BRF1: variants seen among roughly 807,000 people sequenced by gnomAD.
The protein encoded by BRF1 is BRF1 general transcription factor IIIB subunit, also known as transcription factor IIIB 90 kDa subunit.
In BRF1, 59 loss-of-function variants were observed where a neutral mutation model predicts 81.7. That is an observed-to-expected ratio of 0.72 (90% CI 0.59 to 0.90). The LOEUF is 0.90. Ranked by LOEUF, BRF1 falls within the 40% of genes least tolerant of loss-of-function variation. BRF1 has a pLI of 0.00. For missense variants in BRF1, 1,050 were observed against 936.3 expected, an observed-to-expected ratio of 1.12 and a Z score of -1.58; for synonymous variants, 491 against 395.6, an observed-to-expected ratio of 1.24 and a Z score of -2.86.
chr14:105,219,673 C>T, intron 12 of BRF1: 1 of 400,362 alleles, frequency 2.5e-6, no homozygotes. Context: ...AGATAAACTG[C>T]AAAGAGCTGG....
intron 6 of BRF1, among the ~76,000 whole-genome samples, chr14:105,229,339 C>T (rs139986541): frequency 1.1e-4 from 17 of 152,350 alleles, no homozygotes; most frequent in Non-Finnish European, 2.1e-4. Flanking sequence ...GGCCCAGAAC[C>T]TCCAGTGCAA....
In BRF1 at chr14:105,228,885, G is replaced by A; in HGVS notation, c.723C>T (p.Asp241=). The A allele has an allele frequency of 1.2e-6, 2 of 1,613,828 alleles. No homozygotes were observed. The highest frequency in any genetic ancestry group is 1.7e-6 in the Non-Finnish European group (2 of 1,180,008). ...TGACCTCCTTCACAGTCCTCCTGAAGTCATGCATTCTGGCTGCAACCAGGA... is the reference window on the plus strand; with the variant it reads ...TGACCTCCTTCACAGTCCTCCTGAAATCATGCATTCTGGCTGCAACCAGGA... ...AALLVAARMH[D]FRRTVKEVIS... Residue 241 remains aspartate, a synonymous_variant, in exon 7 of 18, where the codon GAC becomes GAT. Transcript: ENST00000547530.
At chr14:105,223,791 G>A (rs587659521) in intron 10 of BRF1, among the ~76,000 whole-genome samples, 11 of 152,176 alleles carry the variant, frequency 7.2e-5, no homozygotes, top group African/African-American at 2.6e-4. Context: ...GTTTTCATAC[G>A]GCAATCACAC....
intron 1 of BRF1, among the ~76,000 whole-genome samples, chr14:105,299,307 C>T (rs749769849): frequency 5.9e-5 from 9 of 152,032 alleles, no homozygotes; most frequent in African/African-American, 1.7e-4. Context: ...TGTGGTGGCT[C>T]ACGCTGTAAT....
At chr14:105,303,339 G>C (rs587758560), upstream of BRF1, among the ~76,000 whole-genome samples, 2 of 152,250 alleles carry the variant, frequency 1.3e-5, no homozygotes, top group South Asian at 2.1e-4. Context: ...CACCTCCCGG[G>C]TTCATGCCAT....
chr14:105,280,576 C>T (rs1038301434), intron 2 of BRF1, among the ~76,000 whole-genome samples: 1 of 147,448 alleles, frequency 6.8e-6, no homozygotes, highest in Non-Finnish European at 1.5e-5. Flanking sequence ...CCTGAGCCCG[C>T]GTGCGCAGGT....
Position 105,269,333 on chromosome 14 carries a change from G to C in BRF1, c.439+3388C>G, listed in dbSNP as rs1447932487. Among the ~76,000 whole-genome samples the C allele has an allele frequency of 2.0e-5, 3 of 152,178 alleles. No individual in the cohort carries two copies. Among genetic ancestry groups the C allele is most frequent in the African/African-American group, 4.8e-5 (2 of 41,446 alleles). On this transcript the variant is annotated intron_variant, in intron 3 of 17. Transcript: ENST00000547530. The surrounding 1 kb of genome is among the most constrained non-coding windows in gnomAD (Gnocchi z 5.0). ...AGCCCCACCAGGCCACCAGCAGCCA[G>C]AGGGGATAGAGTGCGGCCTCCCGTG... is the stretch of plus-strand genomic sequence containing the variant.
At chr14:105,275,699 T>TG (rs2056853656) in intron 2 of BRF1, among the ~76,000 whole-genome samples, 1 of 152,268 alleles carries the variant, frequency 6.6e-6, no homozygotes, top group African/African-American at 2.4e-5. Flanking sequence ...CACCAGCTCG[T>TG]GTTCCCAGCA....
chr14:105,243,360 G>A (rs2054850924), intron 5 of BRF1, among the ~76,000 whole-genome samples: 1 of 151,132 alleles, frequency 6.6e-6, no homozygotes, highest in South Asian at 2.1e-4. Flanking sequence ...TGAGACTACA[G>A]CATTGCTTGA....
At chr14:105,222,732 C>T (rs1275772656) in intron 10 of BRF1, among the ~76,000 whole-genome samples, 1 of 152,104 alleles carries the variant, frequency 6.6e-6, no homozygotes, top group Non-Finnish European at 1.5e-5. Flanking sequence ...GGGTTCACGC[C>T]ATTCTCCTGC....
intron 4 of BRF1, 43 bp downstream of exon 4, chr14:105,256,475 C>G: frequency 6.2e-7 from 1 of 1,613,918 alleles, no homozygotes; most frequent in South Asian, 1.1e-5. Flanking sequence ...ACCCCCAGGT[C>G]ACAACCCCAG....
At chr14:105,221,558 A>C in intron 11 of BRF1, 90 bp downstream of exon 11, 1 of 1,504,492 alleles carries the variant, frequency 6.6e-7, no homozygotes, top group Non-Finnish European at 8.8e-7. Flanking sequence ...CCGACAGAGG[A>C]TGGCAGCATC....
At chr14:105,297,556 T>C (rs1287988579) in intron 1 of BRF1, among the ~76,000 whole-genome samples, 1 of 150,920 alleles carries the variant, frequency 6.6e-6, no homozygotes, top group Non-Finnish European at 1.5e-5. Flanking sequence ...GGTGACAGGG[T>C]GAGACTCTGT....
intron 8 of BRF1, 57 bp from the exon 9 acceptor site, chr14:105,226,347 C>A: frequency 1.2e-6 from 2 of 1,610,412 alleles, no homozygotes; most frequent in Non-Finnish European, 1.7e-6. Flanking sequence ...CACAGCGCAG[C>A]CTCTGGGGTG....
chr14:105,249,703 T>C (rs1433408450), intron 5 of BRF1: 1 of 1,613,770 alleles, frequency 6.2e-7, no homozygotes, highest in Non-Finnish European at 8.5e-7. Context: ...TGTACGCTGC[T>C]AAGAAGTACA....
chr14:105,250,179 G>T (rs759981898), intron 5 of BRF1: 4 of 1,612,966 alleles, frequency 2.5e-6, no homozygotes, highest in South Asian at 1.1e-5. Flanking sequence ...AACAAGCCCC[G>T]CCTGGACTTT....
intron 1 of BRF1, among the ~76,000 whole-genome samples, chr14:105,310,306 G>A (rs1409929818): frequency 1.3e-5 from 2 of 150,884 alleles, no homozygotes; most frequent in African/African-American, 4.9e-5. Flanking sequence ...CGAGGCGGGC[G>A]GATCATGAGG....
At chr14:105,218,945 C>A (rs2141450367) in intron 14 of BRF1, 53 bp downstream of exon 14, 1 of 1,611,066 alleles carries the variant, frequency 6.2e-7, no homozygotes, top group Non-Finnish European at 8.5e-7. Flanking sequence ...ACATTTGCCC[C>A]CCGTAACCTG....
Position 105,211,278 on chromosome 14 carries a change from A to G in BRF1, c.1840T>C (p.Ser614Pro), listed in dbSNP as rs1418012598. ...GCAGGCTCAGCTCCGAGGGTGGGAG[A>G]GCTTGGGAGCAAAGCCTGGAACGAA... Reference protein sequence around the residue: ...VATGEALLPSSPTLGAEPARP... With the variant: ...VATGEALLPSPPTLGAEPARP... The change falls in exon 17 of 18, where the codon TCT (serine) becomes CCT (proline). Residue 614 changes from serine to proline, a missense_variant. Ser to Pro is a moderately conservative substitution (Grantham distance 74). Around this residue, in one of 2 missense-constraint regions of BRF1, gnomAD observed 1,043 missense variants for 915.4 expected, o/e 1.14. Coordinates refer to ENST00000547530, the MANE Select transcript of BRF1 (RefSeq NM_001519.4). 6.3e-7 allele frequency: 1 copy of G among 1,599,576 alleles called. No individual in the cohort carries two copies. The highest frequency in any genetic ancestry group is 1.3e-5 in the African/African-American group (1 of 74,560).
Sources: allele counts gnomAD v4.1 joint callset (sites outside exome capture counted in the v4.1 genomes callset), GRCh38; gene constraint gnomAD v4.1.1; regional missense constraint gnomAD v4.1.1; non-coding constraint Gnocchi (gnomAD v3.1); transcripts MANE v1.5; gene names NCBI Gene and HGNC (gene_info 2026-07-23, HGNC 2026-07-21).